The following CADM1 variants were observed in gnomAD, a reference collection of about 807,000 sequenced individuals.
CADM1 encodes cell adhesion molecule 1, also known as TSLC-1.
CADM1 carries 15 observed loss-of-function variants against 53.1 expected under a neutral mutation model. The ratio of observed to expected loss-of-function variants is 0.28; its 90% CI spans 0.19 to 0.44. The LOEUF is 0.44. Ranked by LOEUF, CADM1 falls within the 20% of genes least tolerant of loss-of-function variation. The probability of loss-of-function intolerance (pLI) is 1.00; values close to 1 mark genes in which losing one functional copy is unlikely to be tolerated. For missense variants in CADM1, 434 were observed against 611.3 expected, an observed-to-expected ratio of 0.71 and a Z score of 3.06; for synonymous variants, 281 against 243.0, an observed-to-expected ratio of 1.16 and a Z score of -1.45.
chr11:115,344,003 G>A (rs1945513470), intron 1 of CADM1, among the ~76,000 whole-genome samples: 1 of 152,166 alleles, frequency 6.6e-6, no homozygotes, highest in South Asian at 2.1e-4. Flanking sequence ...AGTTTAAATA[G>A]AGTATCGTGG....
Position 115,217,975 on chromosome 11 carries a change from G to A in CADM1, c.738C>T (p.His246=), listed in dbSNP as rs745551137. The A allele has an allele frequency of 6.2e-7, 1 of 1,612,380 alleles. No homozygotes were observed. Among genetic ancestry groups the A allele is most frequent in the Non-Finnish European group, 8.5e-7 (1 of 1,178,538 alleles). ...CTTGTAGAGGATAAGTCATCTGAATGTGCACTTGAGGCTTATCTGTGTGAC... is the reference window on the plus strand; with the variant it reads ...CTTGTAGAGGATAAGTCATCTGAATATGCACTTGAGGCTTATCTGTGTGAC... ...YLEVQYKPQV[H]IQMTYPLQGL... Residue 246 remains histidine, a synonymous_variant, in exon 6 of 12, where the codon CAC becomes CAT. Transcript: ENST00000331581.
At chr11:115,474,716 G>T (rs1949091862) in intron 1 of CADM1, among the ~76,000 whole-genome samples, 1 of 117,422 alleles carries the variant, frequency 8.5e-6, no homozygotes, top group Admixed American at 1.0e-4. Context: ...GGGGAGGGGG[G>T]AGGGATAGCA....
At chr11:115,188,120 G>A (rs569181357) in intron 10 of CADM1, among the ~76,000 whole-genome samples, 17 of 152,308 alleles carry the variant, frequency 1.1e-4, no homozygotes, top group Non-Finnish European at 2.4e-4. Flanking sequence ...CTCCACTGCT[G>A]AAGGGAGAGA....
intron 1 of CADM1, among the ~76,000 whole-genome samples, chr11:115,366,165 C>T (rs558171872): frequency 5.6e-4 from 86 of 152,312 alleles, no homozygotes; most frequent in African/African-American, 2.0e-3. Context: ...CTGCTCTGAC[C>T]ATATAATGCA....
At chr11:115,352,106 A>G (rs1324070134) in intron 1 of CADM1, among the ~76,000 whole-genome samples, 1 of 152,202 alleles carries the variant, frequency 6.6e-6, no homozygotes, top group Non-Finnish European at 1.5e-5. Context: ...TAAGAGTCTA[A>G]AAAAAGAATC....
At chr11:115,406,633 T>TAC (rs1947320535) in intron 1 of CADM1, among the ~76,000 whole-genome samples, 1 of 149,394 alleles carries the variant, frequency 6.7e-6, no homozygotes, top group Non-Finnish European at 1.5e-5. Flanking sequence ...GGTTATATAT[T>TAC]ACTAAGCAAT....
At chr11:115,177,759 G>A (rs780586006) in intron 11 of CADM1, among the ~76,000 whole-genome samples, 66 of 151,580 alleles carry the variant, frequency 4.4e-4, no homozygotes, top group Non-Finnish European at 5.9e-4. Context: ...GGACAGCTCT[G>A]ATCGTCCTAA....
At chr11:115,190,371 A>G (rs1939786154) in intron 10 of CADM1, among the ~76,000 whole-genome samples, 1 of 152,170 alleles carries the variant, frequency 6.6e-6, no homozygotes, top group Non-Finnish European at 1.5e-5. Context: ...ATTAGTTTAC[A>G]TCATGGTGTG....
chr11:115,455,426 G>C (rs2135359969), intron 1 of CADM1, among the ~76,000 whole-genome samples: 1 of 151,718 alleles, frequency 6.6e-6, no homozygotes, highest in South Asian at 2.1e-4. Flanking sequence ...TAGAGAGAGA[G>C]AGAAATATTG....
In CADM1 at chr11:115,465,151, T is replaced by C. The variant is rs113320230; in HGVS notation, c.124+39120A>G. Among the ~76,000 whole-genome samples the C allele has an allele frequency of 5.5e-3, 842 of 152,296 alleles. 6 individuals are homozygous for C. Among genetic ancestry groups the C allele is most frequent in the African/African-American group, 0.02 (815 of 41,554 alleles). Reference sequence around the variant, plus strand: ...AGACTCCTGCATCATATTATTTTTATTGTGAAATAATTAGAGCCGTTGATC... The same window carrying C: ...AGACTCCTGCATCATATTATTTTTACTGTGAAATAATTAGAGCCGTTGATC... On this transcript the variant is annotated intron_variant, in intron 1 of 11. Transcript: ENST00000331581.
chr11:115,217,856 C>A, intron 6 of CADM1, 36 bp downstream of exon 6: 1 of 1,318,210 alleles, frequency 7.6e-7, no homozygotes. Context: ...ATTTACTGCG[C>A]ATGACCCTCT....
intron 6 of CADM1, among the ~76,000 whole-genome samples, chr11:115,215,940 T>C (rs1941163752): frequency 6.6e-6 from 1 of 152,170 alleles, no homozygotes; most frequent in African/African-American, 2.4e-5. Context: ...AATTTTCAAA[T>C]GGGATGTGAA....
At chr11:115,441,943 T>C (rs1948323130) in intron 1 of CADM1, among the ~76,000 whole-genome samples, 1 of 152,072 alleles carries the variant, frequency 6.6e-6, no homozygotes. Context: ...TAATGTATAT[T>C]ATTGAGGACT....
At chr11:115,482,420 T>C (rs991350433) in intron 1 of CADM1, among the ~76,000 whole-genome samples, 4 of 152,206 alleles carry the variant, frequency 2.6e-5, no homozygotes, top group African/African-American at 9.6e-5. Flanking sequence ...GTCTAGCACA[T>C]AGTAAGTGAT....
chr11:115,372,551 G>T (rs1946334458), intron 1 of CADM1, among the ~76,000 whole-genome samples: 7 of 152,066 alleles, frequency 4.6e-5, no homozygotes. Context: ...TGATAAAAAT[G>T]TGAAAGTTTG....
At chr11:115,411,924 C>T (rs976895542) in intron 1 of CADM1, among the ~76,000 whole-genome samples, 19 of 152,114 alleles carry the variant, frequency 1.2e-4, no homozygotes, top group African/African-American at 4.6e-4. Context: ...TTCTAATTGC[C>T]TGGTTTTTAT....
At chr11:115,381,565 G>A (rs899954401) in intron 1 of CADM1, among the ~76,000 whole-genome samples, 4 of 152,118 alleles carry the variant, frequency 2.6e-5, no homozygotes, top group Non-Finnish European at 5.9e-5. Context: ...TTGACCTTGG[G>A]AAAGTCACTA....
chr11:115,425,081 C>T (rs79564810), intron 1 of CADM1, among the ~76,000 whole-genome samples: 1,851 of 152,174 alleles, frequency 0.012, 45 homozygotes, highest in African/African-American at 0.041. Context: ...GACAATTTGG[C>T]TACAAGAAAC....
At chr11:115,370,803 G>A (rs1348620745) in intron 1 of CADM1, among the ~76,000 whole-genome samples, 2 of 152,170 alleles carry the variant, frequency 1.3e-5, no homozygotes, top group South Asian at 2.1e-4. Flanking sequence ...ATTGACCTCT[G>A]AAGGAAGTCA....
Sources: allele counts gnomAD v4.1 joint callset (sites outside exome capture counted in the v4.1 genomes callset), GRCh38; gene constraint gnomAD v4.1.1; transcripts MANE v1.5; gene names NCBI Gene and HGNC (gene_info 2026-07-23, HGNC 2026-07-21).